The following KCND3 variants were observed in gnomAD, a reference collection of about 807,000 sequenced individuals.
KCND3 encodes the protein potassium voltage-gated channel subfamily D member 3, also known as A-type voltage-gated potassium channel KCND3.
A neutral mutation model predicts 51.1 loss-of-function variants in KCND3; 9 were observed. The ratio of observed to expected loss-of-function variants is 0.18; its 90% CI spans 0.11 to 0.31. KCND3 has a LOEUF of 0.31. Ranked by LOEUF, KCND3 falls within the 10% of genes least tolerant of loss-of-function variation. The pLI is 1.00. For synonymous variants in KCND3, 349 were observed against 368.0 expected, an observed-to-expected ratio of 0.95 and a Z score of 0.59; for missense variants, 526 against 903.8, an observed-to-expected ratio of 0.58 and a Z score of 5.36.
chr1:111,954,219 T>C (rs1433734254), intron 2 of KCND3, among the ~76,000 whole-genome samples: 3 of 152,192 alleles, frequency 2.0e-5, no homozygotes, highest in Admixed American at 6.5e-5. Context: ...TAAATAGTCC[T>C]TTTATGAACC....
At chr1:111,785,894 C>T (rs912899696) in intron 3 of KCND3, among the ~76,000 whole-genome samples, 7 of 152,082 alleles carry the variant, frequency 4.6e-5, no homozygotes, top group Admixed American at 2.6e-4. Flanking sequence ...CCACATAGTA[C>T]GTGCTCAGTA....
chr1:111,962,255 C>A (rs991585334), intron 2 of KCND3, among the ~76,000 whole-genome samples: 1 of 152,204 alleles, frequency 6.6e-6, no homozygotes, highest in African/African-American at 2.4e-5. Context: ...GCAGATGGAA[C>A]CCAGGTCTGC....
At chr1:111,900,973 C>G (rs1670359217) in intron 2 of KCND3, among the ~76,000 whole-genome samples, 1 of 151,978 alleles carries the variant, frequency 6.6e-6, no homozygotes, top group African/African-American at 2.4e-5. Flanking sequence ...ACAAAAGAAA[C>G]AAACAAACAA....
chr1:111,916,040 G>T (rs1446818029), intron 2 of KCND3, among the ~76,000 whole-genome samples: 1 of 152,104 alleles, frequency 6.6e-6, no homozygotes, highest in Non-Finnish European at 1.5e-5. Flanking sequence ...ATCAGGAGGG[G>T]TGTAAAAGAC....
rs190822510 is a variant in KCND3 at position 111,955,226 on chromosome 1, T to C, written c.1106+26395A>G. On this transcript the variant is annotated intron_variant, in intron 2 of 7. Coordinates refer to ENST00000302127, the MANE Select transcript of KCND3 (RefSeq NM_001378969.1). ...GAGTTGAAGAGCAGCCTGGGCAACA[T>C]AGCAAGACCCTGTCTCCAGAAAATA... 5.1e-4 allele frequency among the ~76,000 whole-genome samples: 78 copies of C among 152,116 alleles called. 1 individual carries two copies. Among genetic ancestry groups the C allele is most frequent in the Middle Eastern group, 3.4e-3 (1 of 294 alleles).
At chr1:111,844,797 C>T (rs904668299) in intron 2 of KCND3, among the ~76,000 whole-genome samples, 4 of 152,174 alleles carry the variant, frequency 2.6e-5, no homozygotes, top group African/African-American at 4.8e-5. Context: ...AGGCAGCGTT[C>T]CTCCTGTCAG....
chr1:111,800,755 G>A (rs1216283065), intron 2 of KCND3, among the ~76,000 whole-genome samples: 1 of 152,196 alleles, frequency 6.6e-6, no homozygotes, highest in East Asian at 1.9e-4. Flanking sequence ...TGATGAGCCA[G>A]CCCCTCAGCT....
chr1:111,862,123 A>C (rs565091096), intron 2 of KCND3, among the ~76,000 whole-genome samples: 1 of 152,376 alleles, frequency 6.6e-6, no homozygotes, highest in African/African-American at 2.4e-5. Context: ...GACTCTGCCC[A>C]GACAGATATC....
At chr1:111,865,629 C>T (rs912692761) in intron 2 of KCND3, among the ~76,000 whole-genome samples, 1 of 152,192 alleles carries the variant, frequency 6.6e-6, no homozygotes, top group African/African-American at 2.4e-5. Flanking sequence ...GCAACTCCAA[C>T]CCATTCCAGT....
At chr1:111,983,220 T>A (rs921661047) in intron 1 of KCND3, among the ~76,000 whole-genome samples, 10 of 152,178 alleles carry the variant, frequency 6.6e-5, no homozygotes, top group Admixed American at 1.3e-4. Flanking sequence ...ACATGCTAAT[T>A]TTTATTTCAC....
chr1:111,779,456 A>T (rs1207949645), intron 5 of KCND3, among the ~76,000 whole-genome samples: 2 of 152,186 alleles, frequency 1.3e-5, no homozygotes, highest in Non-Finnish European at 2.9e-5. Flanking sequence ...GGTTCTGGAA[A>T]GGAGCAGGAA....
chr1:111,892,237 C>T (rs1020251895), intron 2 of KCND3, among the ~76,000 whole-genome samples: 3 of 152,164 alleles, frequency 2.0e-5, no homozygotes, highest in East Asian at 3.9e-4. Flanking sequence ...ATCCAAAGCT[C>T]GCCTCAGTGC....
intron 2 of KCND3, among the ~76,000 whole-genome samples, chr1:111,915,031 T>C (rs1255484895): frequency 6.6e-6 from 1 of 152,208 alleles, no homozygotes; most frequent in East Asian, 1.9e-4. Flanking sequence ...TTTTATAGTA[T>C]ACATGAAGTG....
chr1:111,778,533 A>G (rs1422992637), intron 5 of KCND3, 41 bp from the exon 6 acceptor site: 1 of 1,583,734 alleles, frequency 6.3e-7, no homozygotes, highest in East Asian at 2.2e-5. Flanking sequence ...AACACCATTG[A>G]TTGTACATTC....
intron 3 of KCND3, among the ~76,000 whole-genome samples, chr1:111,781,746 G>A (rs1463318411): frequency 1.3e-5 from 2 of 152,122 alleles, no homozygotes; most frequent in African/African-American, 4.8e-5. Context: ...TACCATGCAG[G>A]AGGGCTGCAT....
At chr1:111,940,073 GTTTTTTT>G (rs61088602) in intron 2 of KCND3, among the ~76,000 whole-genome samples, 42 of 85,466 alleles carry the variant, frequency 4.9e-4, no homozygotes, top group East Asian at 1.1e-3. Flanking sequence ...CTTTTTGATG[GTTTTTTT>G]TTTTTTTTTT....
At chr1:111,961,705 G>A (rs1673672845) in intron 2 of KCND3, among the ~76,000 whole-genome samples, 1 of 152,180 alleles carries the variant, frequency 6.6e-6, no homozygotes, top group African/African-American at 2.4e-5. Flanking sequence ...GGCCAGAGGG[G>A]GGGCATTTGA....
intron 2 of KCND3, among the ~76,000 whole-genome samples, chr1:111,803,025 C>T (rs1665389958): frequency 6.6e-6 from 1 of 152,234 alleles, no homozygotes; most frequent in Admixed American, 6.5e-5. Context: ...GGAGGCTCCT[C>T]CTGCAGTCCT....
intron 2 of KCND3, among the ~76,000 whole-genome samples, chr1:111,911,173 T>C (rs1670927195): frequency 6.6e-6 from 1 of 152,180 alleles, no homozygotes; most frequent in African/African-American, 2.4e-5. Flanking sequence ...AGTGAAAAAG[T>C]GGCCAAGTCT....
Sources: gnomAD v4.1 joint callset for allele counts (sites outside exome capture counted in the v4.1 genomes callset) on GRCh38, gnomAD v4.1.1 for gene constraint, MANE v1.5 for transcripts, NCBI Gene and HGNC (gene_info 2026-07-23, HGNC 2026-07-21) for gene names.